The following COBLL1 variants were observed in gnomAD, a reference collection of about 807,000 sequenced individuals.
The protein encoded by COBLL1 is cordon-bleu protein-like 1.
A neutral mutation model predicts 94.8 loss-of-function variants in COBLL1; 50 were observed. That is an observed-to-expected ratio of 0.53 (90% CI 0.42 to 0.67). COBLL1 has a LOEUF of 0.67. COBLL1 is among the 30% of genes least tolerant of loss of function. COBLL1 has a pLI of 0.00. For synonymous variants in COBLL1, 448 were observed against 473.8 expected (o/e 0.95, Z 0.71); for missense variants, 1,362 against 1,348.7 (o/e 1.01, Z -0.15).
intron 3 of COBLL1, among the ~76,000 whole-genome samples, chr2:164,732,003 G>A (rs888361952): frequency 3.6e-4 from 54 of 152,046 alleles, no homozygotes; most frequent in African/African-American, 1.2e-3. Context: ...AGATCATCCC[G>A]TGTTCAGCCC....
intron 7 of COBLL1, among the ~76,000 whole-genome samples, chr2:164,715,406 A>C (rs922182739): frequency 6.6e-6 from 1 of 152,068 alleles, no homozygotes; most frequent in Non-Finnish European, 1.5e-5. Flanking sequence ...AGGAAAATGG[A>C]GGGGAAAATA....
intron 2 of COBLL1, among the ~76,000 whole-genome samples, chr2:164,803,564 C>CAAAAA (rs368867904): frequency 0.13 from 17,548 of 137,002 alleles, 1,171 homozygotes; most frequent in Admixed American, 0.17. Context: ...GACTCTGTCT[C>CAAAAA]AAAAATAAAT....
chr2:164,675,388 T>A (rs949285577), downstream of COBLL1, among the ~76,000 whole-genome samples: 5 of 152,338 alleles, frequency 3.3e-5, no homozygotes, highest in Admixed American at 1.3e-4. Flanking sequence ...AACACACTTG[T>A]CATTTTGGCC....
chr2:164,803,757 G>A (rs1399499640), intron 2 of COBLL1, among the ~76,000 whole-genome samples: 3 of 151,952 alleles, frequency 2.0e-5, no homozygotes, highest in Non-Finnish European at 4.4e-5. Context: ...TCACAAATAT[G>A]TATTATACAC....
chr2:164,783,422 G>GAGAAAAGAAAGGAAA, intron 2 of COBLL1, among the ~76,000 whole-genome samples: 1 of 151,948 alleles, frequency 6.6e-6, no homozygotes, highest in South Asian at 2.1e-4. Context: ...TTGAGAAGAA[G>GAGAAAAGAAAGGAAA]AGAAAAGAAA....
chr2:164,687,221 T>TTTTTTTTTTTTTTTTTTTTTTTTTTTA (rs1347984870), intron 13 of COBLL1: 3 of 408,774 alleles, frequency 7.3e-6, no homozygotes, highest in African/African-American at 6.1e-5. Flanking sequence ...TTCTTTTTTT[T>TTTTTTTTTTTTTTTTTTTTTTTTTTTA]TTTTTTGGAG....
chr2:164,697,148 A>G (rs1683992571), intron 11 of COBLL1: 1 of 152,174 alleles, frequency 6.6e-6, no homozygotes, highest in Non-Finnish European at 1.5e-5. Context: ...TCACATTTTT[A>G]AACTCTGCCT....
At chr2:164,788,062 G>C (rs1682966614) in intron 2 of COBLL1, among the ~76,000 whole-genome samples, 1 of 152,158 alleles carries the variant, frequency 6.6e-6, no homozygotes, top group Non-Finnish European at 1.5e-5. Flanking sequence ...CGGGTGACTA[G>C]ATGGGATTGA....
At chr2:164,820,926 C>T (rs947847212) in intron 2 of COBLL1, among the ~76,000 whole-genome samples, 12 of 152,124 alleles carry the variant, frequency 7.9e-5, no homozygotes, top group African/African-American at 1.2e-4. Context: ...CTTGCTCTGT[C>T]GCCCAGACTG....
chr2:164,765,219 C>T (rs1329878553), intron 2 of COBLL1, among the ~76,000 whole-genome samples: 1 of 152,118 alleles, frequency 6.6e-6, no homozygotes, highest in Non-Finnish European at 1.5e-5. Flanking sequence ...GGAATGCATA[C>T]AGTACCACAT....
chr2:164,735,017 AG>A (rs1332723147), intron 3 of COBLL1, among the ~76,000 whole-genome samples: 1 of 152,182 alleles, frequency 6.6e-6, no homozygotes, highest in Non-Finnish European at 1.5e-5. Context: ...AACCTTCCAC[AG>A]GAAGTGGAAC....
chr2:164,660,338 T>C (rs1184987165), intron 2 of COBLL1, among the ~76,000 whole-genome samples: 3 of 152,186 alleles, frequency 2.0e-5, no homozygotes, highest in Admixed American at 6.5e-5. Flanking sequence ...TAATGTGTTA[T>C]TGTGTTTTCT....
Position 164,771,793 on chromosome 2 carries a change from C to A in COBLL1, c.42-27918G>T, listed in dbSNP as rs974242677. On this transcript the variant is annotated intron_variant, in intron 2 of 13. Coordinates refer to ENST00000652658, the MANE Select transcript of COBLL1 (RefSeq NM_001365672.2). ...TGTGATAAGAAGGCATCTAAACATT[C>A]CAAGTTATAGCTATGTAACTTCAAA... is the stretch of plus-strand genomic sequence containing the variant. Among the ~76,000 whole-genome samples, 3 of 151,870 alleles carry A rather than the reference C, an allele frequency of 2.0e-5. No individual in the cohort carries two copies. The South Asian group carries it at 6.2e-4, about 31-fold the overall frequency.
At chr2:164,787,004 T>G (rs1214885422) in intron 2 of COBLL1, among the ~76,000 whole-genome samples, 3 of 152,166 alleles carry the variant, frequency 2.0e-5, no homozygotes, top group Non-Finnish European at 4.4e-5. Flanking sequence ...CACTAATGTA[T>G]GACTGTAGTT....
At chr2:164,687,625 T>C (rs914367675) in intron 13 of COBLL1, 4 of 1,015,896 alleles carry the variant, frequency 3.9e-6, no homozygotes, top group Non-Finnish European at 6.2e-6. Context: ...GTCAGAGACA[T>C]GAACATACAT....
intron 2 of COBLL1, among the ~76,000 whole-genome samples, chr2:164,762,608 G>A (rs1687737450): frequency 6.6e-6 from 1 of 151,854 alleles, no homozygotes; most frequent in Non-Finnish European, 1.5e-5. Flanking sequence ...AAAAGCATCT[G>A]ATCATCTTAA....
chr2:164,664,989 A>G (rs987196293), intron 2 of COBLL1, among the ~76,000 whole-genome samples: 1 of 152,190 alleles, frequency 6.6e-6, no homozygotes, highest in Non-Finnish European at 1.5e-5. Context: ...GAGAATCAAC[A>G]AATAGAAATG....
intron 13 of COBLL1, among the ~76,000 whole-genome samples, chr2:164,691,183 C>T (rs1216161257): frequency 6.6e-6 from 1 of 152,142 alleles, no homozygotes; most frequent in Non-Finnish European, 1.5e-5. Context: ...CTCATACCTC[C>T]TCACATACAC....
intron 3 of COBLL1, 139 bp downstream of exon 3, chr2:164,743,548 C>CTTTTTTT: frequency 1.5e-6 from 1 of 676,924 alleles, no homozygotes; most frequent in Admixed American, 3.0e-5. Context: ...TTTTAGCAGT[C>CTTTTTTT]TTTTTTTTTA....
Sources: allele counts gnomAD v4.1 joint callset (sites outside exome capture counted in the v4.1 genomes callset), GRCh38; gene constraint gnomAD v4.1.1; transcripts MANE v1.5; gene names NCBI Gene and HGNC (gene_info 2026-07-23, HGNC 2026-07-21).